IL1RAPL2: variants seen among roughly 807,000 people sequenced by gnomAD.
IL1RAPL2 encodes the protein interleukin 1 receptor accessory protein like 2.
IL1RAPL2 carries 3 observed loss-of-function variants against 44.1 expected under a neutral mutation model. That is an observed-to-expected ratio of 0.07 (90% CI 0.03 to 0.18). The LOEUF (loss-of-function observed/expected upper bound fraction) is 0.18, where lower values mean the gene tolerates loss of function less well. Among genes scored for constraint, IL1RAPL2 ranks in the 10% least tolerant of loss-of-function variants. IL1RAPL2 has a pLI of 1.00. For synonymous variants in IL1RAPL2, 181 were observed against 178.8 expected, an observed-to-expected ratio of 1.01 and a Z score of -0.10; for missense variants, 391 against 496.4, an observed-to-expected ratio of 0.79 and a Z score of 2.02.
intron 5 of IL1RAPL2, among the ~76,000 whole-genome samples, chrX:105,478,563 AC>A (rs2036212829): frequency 9.0e-6 from 1 of 111,425 alleles, no homozygotes; most frequent in Non-Finnish European, 1.9e-5. Flanking sequence ...TTAAAAAAAA[AC>A]AACAAAACCA....
chrX:105,659,278 A>C (rs1363201637), intron 6 of IL1RAPL2, among the ~76,000 whole-genome samples: 2 of 111,799 alleles, frequency 1.8e-5, no homozygotes, highest in African/African-American at 6.5e-5. Context: ...CGGAGAATTC[A>C]AAATAACTGT....
At chrX:104,608,050 TA>T (rs750523652) in intron 1 of IL1RAPL2, among the ~76,000 whole-genome samples, 3,123 of 111,247 alleles carry the variant, frequency 0.028, 129 homozygotes, top group African/African-American at 0.097. Flanking sequence ...TATGCAGCCA[TA>T]AAAAAGGATG....
At chrX:105,485,497 A>G (rs529411493) in intron 6 of IL1RAPL2, among the ~76,000 whole-genome samples, 1 of 111,071 alleles carries the variant, frequency 9.0e-6, no homozygotes, top group Non-Finnish European at 1.9e-5. Context: ...TAAGATGTAC[A>G]ATAAATTACT....
At chrX:105,556,084 T>C (rs1047424302) in intron 6 of IL1RAPL2, among the ~76,000 whole-genome samples, 1 of 111,647 alleles carries the variant, frequency 9.0e-6, no homozygotes, top group Non-Finnish European at 1.9e-5. Context: ...AGGCATTATT[T>C]ACTGTCCACT....
intron 2 of IL1RAPL2, among the ~76,000 whole-genome samples, chrX:104,829,361 C>T (rs1189816610): frequency 1.8e-5 from 2 of 111,632 alleles, no homozygotes; most frequent in South Asian, 3.8e-4. Flanking sequence ...GGGTCACCCA[C>T]GGCTTCCCTT....
At chrX:104,868,911 T>C (rs754716339) in intron 2 of IL1RAPL2, among the ~76,000 whole-genome samples, 54 of 112,291 alleles carry the variant, frequency 4.8e-4, no homozygotes, top group African/African-American at 1.7e-3. Flanking sequence ...TCTTCCCCTT[T>C]CGTGTTAACT....
intron 6 of IL1RAPL2, among the ~76,000 whole-genome samples, chrX:105,684,528 G>C (rs1385019673): frequency 1.8e-5 from 2 of 112,581 alleles, no homozygotes; most frequent in Non-Finnish European, 3.8e-5. Context: ...AAGCGGCCGG[G>C]AAGCTCGAAC....
chrX:104,917,625 C>G (rs142973726), intron 2 of IL1RAPL2, among the ~76,000 whole-genome samples: 2,092 of 111,761 alleles, frequency 0.019, 49 homozygotes, highest in African/African-American at 0.063. Flanking sequence ...ATTCCCAAAC[C>G]TAGAATGGGT....
intron 5 of IL1RAPL2, among the ~76,000 whole-genome samples, chrX:105,415,222 G>A (rs769672104): frequency 1.8e-5 from 2 of 111,702 alleles, no homozygotes; most frequent in South Asian, 3.8e-4. Flanking sequence ...CTGGTGACTC[G>A]GGTTCCCTTC....
intron 10 of IL1RAPL2, among the ~76,000 whole-genome samples, chrX:105,760,975 T>C (rs1465713209): frequency 1.8e-5 from 2 of 109,578 alleles, no homozygotes; most frequent in African/African-American, 6.6e-5. Flanking sequence ...GGTCAGGAGT[T>C]CAAGAGCAGC....
At chrX:104,692,760 TTGGTTCCAAGTCTTTGCTATTGTGA>T (rs1931113173) in intron 2 of IL1RAPL2, among the ~76,000 whole-genome samples, 1 of 111,862 alleles carries the variant, frequency 8.9e-6, no homozygotes, top group Non-Finnish European at 1.9e-5. Context: ...GACACTTGGC[TTGGTTCCAAGTCTTTGCTATTGTGA>T]ATAGTGCCGC....
intron 2 of IL1RAPL2, among the ~76,000 whole-genome samples, chrX:105,035,177 C>A (rs774970889): frequency 8.9e-6 from 1 of 111,824 alleles, no homozygotes; most frequent in Non-Finnish European, 1.9e-5. Context: ...AACTCCCTGA[C>A]CCCTTGCACT....
chrX:105,071,289 G>GA (rs993418139), intron 2 of IL1RAPL2, among the ~76,000 whole-genome samples: 5 of 111,039 alleles, frequency 4.5e-5, no homozygotes, highest in East Asian at 2.8e-4. Flanking sequence ...AAATAAAATA[G>GA]AAAAAATACT....
chrX:105,257,266 C>G (rs1248714933), intron 4 of IL1RAPL2, among the ~76,000 whole-genome samples: 2 of 111,781 alleles, frequency 1.8e-5, no homozygotes, highest in Non-Finnish European at 3.8e-5. Context: ...TTTTCATAGT[C>G]TTAACTTCTA....
At chrX:105,628,963 C>T (rs979918728) in intron 6 of IL1RAPL2, among the ~76,000 whole-genome samples, 3 of 109,535 alleles carry the variant, frequency 2.7e-5, no homozygotes, top group Non-Finnish European at 5.7e-5. Flanking sequence ...AAAAGTTGAG[C>T]AGGGGTTTGA....
chrX:105,324,367 C>A (rs376328848), intron 5 of IL1RAPL2, among the ~76,000 whole-genome samples: 15 of 111,332 alleles, frequency 1.3e-4, no homozygotes, highest in African/African-American at 4.9e-4. Flanking sequence ...GATTGGATTC[C>A]CTTAACCTAT....
At chrX:105,030,639 G>C (rs1300747733) in intron 2 of IL1RAPL2, among the ~76,000 whole-genome samples, 1 of 111,562 alleles carries the variant, frequency 9.0e-6, no homozygotes, top group Admixed American at 9.5e-5. Context: ...TGCTTTTTTG[G>C]TTACTGTAGC....
chrX:105,649,244 A>G (rs2037626755), intron 6 of IL1RAPL2, among the ~76,000 whole-genome samples: 1 of 110,700 alleles, frequency 9.0e-6, no homozygotes, highest in Non-Finnish European at 1.9e-5. Context: ...TCAGGGCCCA[A>G]TTCTGTTTTC....
At chrX:104,635,421 A>T (rs1219481915) in intron 1 of IL1RAPL2, among the ~76,000 whole-genome samples, 7 of 111,382 alleles carry the variant, frequency 6.3e-5, no homozygotes, top group African/African-American at 2.3e-4. Context: ...TCTCCTGGAT[A>T]ATATCCTGCA....
Sources: allele counts gnomAD v4.1 joint callset (sites outside exome capture counted in the v4.1 genomes callset), GRCh38; gene constraint gnomAD v4.1.1; transcripts MANE v1.5; gene names NCBI Gene and HGNC (gene_info 2026-07-23, HGNC 2026-07-21).